The following RBFOX1 variants were observed in gnomAD, a reference collection of about 807,000 sequenced individuals.
RBFOX1 encodes the protein RNA binding fox-1 homolog 1, also known as RNA binding protein fox-1 homolog 1.
In RBFOX1, 8 loss-of-function variants were observed where a neutral mutation model predicts 57.7. That is an observed-to-expected ratio of 0.14 (90% CI 0.08 to 0.25). The LOEUF (loss-of-function observed/expected upper bound fraction) is 0.25. Among genes scored for constraint, RBFOX1 ranks in the 10% least tolerant of loss-of-function variants. The pLI, the probability that RBFOX1 is intolerant of heterozygous loss-of-function variation, is 1.00. For synonymous variants in RBFOX1, 326 were observed against 222.4 expected, an observed-to-expected ratio of 1.47 and a Z score of -4.15; for missense variants, 611 against 548.5, an observed-to-expected ratio of 1.11 and a Z score of -1.14.
chr16:5,327,019 A>T (rs2064595803), intron 1 of RBFOX1, among the ~76,000 whole-genome samples: 1 of 152,250 alleles, frequency 6.6e-6, no homozygotes, highest in Non-Finnish European at 1.5e-5. Context: ...GGTATTGATC[A>T]TTAGATTTTG....
chr16:7,570,246 C>G (rs1370819628), intron 5 of RBFOX1, among the ~76,000 whole-genome samples: 1 of 151,322 alleles, frequency 6.6e-6, no homozygotes, highest in Admixed American at 6.6e-5. Context: ...AGACAGGCTT[C>G]TCTAAAGTCC....
chr16:6,264,123 T>C (rs992080000), intron 1 of RBFOX1, among the ~76,000 whole-genome samples: 13 of 152,364 alleles, frequency 8.5e-5, no homozygotes, highest in South Asian at 4.1e-4. Context: ...CTTCTTCTAC[T>C]GCCTGCCCAT....
At chr16:5,285,922 C>T (rs993934608) in intron 1 of RBFOX1, among the ~76,000 whole-genome samples, 9 of 152,150 alleles carry the variant, frequency 5.9e-5, no homozygotes, top group Non-Finnish European at 7.3e-5. Context: ...CAGGCGCCTG[C>T]CACCACACCT....
At chr16:7,549,084 C>T (rs1376072737) in intron 5 of RBFOX1, among the ~76,000 whole-genome samples, 5 of 152,164 alleles carry the variant, frequency 3.3e-5, no homozygotes, top group African/African-American at 1.2e-4. Flanking sequence ...GACATTTAAG[C>T]CGATGACTAA....
chr16:6,616,010 G>T (rs1418205853), intron 2 of RBFOX1, among the ~76,000 whole-genome samples: 3 of 152,108 alleles, frequency 2.0e-5, no homozygotes, highest in Non-Finnish European at 4.4e-5. Flanking sequence ...TCCATATATA[G>T]ACGCAGGGAC....
intron 4 of RBFOX1, among the ~76,000 whole-genome samples, chr16:7,504,745 A>T (rs1388652416): frequency 5.0e-4 from 6 of 12,054 alleles, no homozygotes; most frequent in East Asian, 3.1e-3. Context: ...ATATATATAT[A>T]TATATATATT....
At chr16:6,913,565 G>C (rs1323264366) in intron 3 of RBFOX1, among the ~76,000 whole-genome samples, 2 of 152,158 alleles carry the variant, frequency 1.3e-5, no homozygotes, top group Non-Finnish European at 2.9e-5. Context: ...GGTGTCTTTT[G>C]AAGGAGAAGT....
At chr16:5,465,097 A>T (rs1313742017) in intron 1 of RBFOX1, among the ~76,000 whole-genome samples, 1 of 152,210 alleles carries the variant, frequency 6.6e-6, no homozygotes, top group African/African-American at 2.4e-5. Flanking sequence ...AGGCTGCCGT[A>T]ACAAAGTAAT....
At chr16:6,877,657 T>C (rs1179104106) in intron 3 of RBFOX1, among the ~76,000 whole-genome samples, 5 of 152,176 alleles carry the variant, frequency 3.3e-5, no homozygotes, top group African/African-American at 1.2e-4. Flanking sequence ...GACAAGCCCA[T>C]ACTGAGAATC....
chr16:6,086,219 G>A lies in RBFOX1; in HGVS notation c.-127+66227G>A, dbSNP rs578001581. On this transcript the variant is annotated intron_variant, in intron 1 of 15. Transcript: ENST00000550418. ...GTACCACTTACCTAGTAATAGACAA[G>A]CACATGCATTGGGTTTGAATTTTGC... is the stretch of plus-strand genomic sequence containing the variant. 1.4e-4 allele frequency among the ~76,000 whole-genome samples: 21 copies of A among 152,244 alleles called. No individual in the cohort carries two copies. The South Asian group carries it at 3.1e-3, about 23-fold the overall frequency.
intron 3 of RBFOX1, among the ~76,000 whole-genome samples, chr16:6,824,983 G>GTTTTTTTTTTTTTTTTTTTTTTGT (rs2091918529): frequency 2.7e-5 from 1 of 36,878 alleles, no homozygotes; most frequent in Non-Finnish European, 5.9e-5. Flanking sequence ...TTCTTTCTTG[G>GTTTTTTTTTTTTTTTTTTTTTTGT]TTTTTTTTTT....
At chr16:7,463,509 A>C (rs1458103465) in intron 4 of RBFOX1, among the ~76,000 whole-genome samples, 3 of 152,106 alleles carry the variant, frequency 2.0e-5, no homozygotes, top group Non-Finnish European at 4.4e-5. Flanking sequence ...GTCTCAAAAA[A>C]ACAAAAAAAG....
chr16:7,126,925 C>G (rs2034357539), intron 4 of RBFOX1, among the ~76,000 whole-genome samples: 1 of 150,390 alleles, frequency 6.6e-6, no homozygotes, highest in African/African-American at 2.5e-5. Context: ...AGGAGAATAG[C>G]TTAAACCCGG....
At chr16:6,495,589 C>G (rs2095748943) in intron 2 of RBFOX1, among the ~76,000 whole-genome samples, 1 of 152,230 alleles carries the variant, frequency 6.6e-6, no homozygotes, top group Admixed American at 6.5e-5. Context: ...AATCAGCTAG[C>G]TGACTTCATC....
At chr16:7,146,090 T>A (rs2074918299) in intron 4 of RBFOX1, among the ~76,000 whole-genome samples, 1 of 152,206 alleles carries the variant, frequency 6.6e-6, no homozygotes, top group South Asian at 2.1e-4. Flanking sequence ...CAAGAATGAA[T>A]TTTAAAATGA....
At chr16:5,940,857 G>T (rs565949103) in intron 4 of RBFOX1, among the ~76,000 whole-genome samples, 4 of 152,276 alleles carry the variant, frequency 2.6e-5, no homozygotes, top group African/African-American at 9.6e-5. Context: ...GCTGGGTGGG[G>T]GTTCCAACCC....
chr16:5,245,907 T>C (rs780078502), intron 1 of RBFOX1, among the ~76,000 whole-genome samples: 4 of 152,362 alleles, frequency 2.6e-5, no homozygotes, highest in East Asian at 1.9e-4. Flanking sequence ...TTACCACTTA[T>C]AGAAATAATC....
At chr16:7,308,836 G>A (rs1250238107) in intron 4 of RBFOX1, among the ~76,000 whole-genome samples, 2 of 152,202 alleles carry the variant, frequency 1.3e-5, no homozygotes, top group Admixed American at 6.5e-5. Flanking sequence ...GGAAACATTA[G>A]GTAGGTCATA....
intron 3 of RBFOX1, among the ~76,000 whole-genome samples, chr16:6,686,953 T>C (rs1004717992): frequency 3.9e-5 from 6 of 152,206 alleles, no homozygotes; most frequent in African/African-American, 1.4e-4. Flanking sequence ...CTGCTCGTAA[T>C]GATATGATGT....
Sources: gnomAD v4.1 joint callset for allele counts (sites outside exome capture counted in the v4.1 genomes callset) on GRCh38, gnomAD v4.1.1 for gene constraint, MANE v1.5 for transcripts, NCBI Gene and HGNC (gene_info 2026-07-23, HGNC 2026-07-21) for gene names.